PI4KA: variants seen among roughly 807,000 people sequenced by gnomAD.
PI4KA encodes PI4-kinase alpha.
PI4KA carries 122 observed loss-of-function variants against 271.4 expected under a neutral mutation model. That is an observed-to-expected ratio of 0.45 (90% CI 0.39 to 0.52). PI4KA has a LOEUF of 0.52. Ranked by LOEUF, PI4KA falls within the 20% of genes least tolerant of loss-of-function variation. PI4KA has a pLI of 0.00. For missense variants in PI4KA, 1,969 were observed against 2,769.1 expected (o/e 0.71, Z 6.48); for synonymous variants, 1,041 against 1,078.8 (o/e 0.96, Z 0.69).
At chr22:20,811,779 C>T (rs1921056454) in intron 8 of PI4KA, among the ~76,000 whole-genome samples, 1 of 151,816 alleles carries the variant, frequency 6.6e-6, no homozygotes, top group Non-Finnish European at 1.5e-5. Context: ...TTTAGGAGGC[C>T]GAGGCAGGCG....
At chr22:20,755,181 G>A (rs1400810013) in intron 23 of PI4KA, among the ~76,000 whole-genome samples, 1 of 152,174 alleles carries the variant, frequency 6.6e-6, no homozygotes, top group Non-Finnish European at 1.5e-5. Flanking sequence ...AATCATTACA[G>A]AACCGTGGAT....
Position 20,844,048 on chromosome 22 carries a change from TCAAA to T in PI4KA, c.157-5321_157-5318del, listed in dbSNP as rs1025983077. Reference sequence around the variant, plus strand: ...ATCCATCTCAACTGTCTCAAAACTCTCAAACATTTTCCAGACCCCAGCAACTTGA... The same window carrying T: ...ATCCATCTCAACTGTCTCAAAACTCTCATTTTCCAGACCCCAGCAACTTGA... On this transcript the variant is annotated intron_variant, in intron 1 of 54. Coordinates refer to ENST00000255882, the MANE Select transcript of PI4KA (RefSeq NM_058004.4). 3.3e-5 allele frequency among the ~76,000 whole-genome samples: 5 copies of T among 152,164 alleles called. No homozygotes were observed. The South Asian group carries it at 6.2e-4, about 19-fold the overall frequency.
intron 23 of PI4KA, among the ~76,000 whole-genome samples, chr22:20,754,005 T>C (rs1931001364): frequency 6.6e-6 from 1 of 151,548 alleles, no homozygotes; most frequent in African/African-American, 2.4e-5. Context: ...TCTTTCTGCA[T>C]CACGTAAGTG....
In PI4KA at chr22:20,714,710, G is replaced by T; in HGVS notation, c.5318-10C>A. 2.5e-6 allele frequency: 4 copies of T among 1,613,122 alleles called. No individual in the cohort carries two copies. The highest frequency in any genetic ancestry group is 3.4e-6 in the Non-Finnish European group (4 of 1,179,480). The stretch of plus-strand genomic sequence containing the variant: ...CTGGGCAGGTAGCAGCCTGTGCAGG[G>T]ACAGAGGCAGTCACAGGGAGTGCAT... On this transcript the variant is annotated splice_polypyrimidine_tract_variant and intron_variant, in intron 45 of 54. Transcript: ENST00000255882.
At chr22:20,747,910 T>A (rs1344336281) in intron 28 of PI4KA, among the ~76,000 whole-genome samples, 1 of 129,038 alleles carries the variant, frequency 7.7e-6, no homozygotes, top group Non-Finnish European at 1.7e-5. Context: ...AATTTTGCAA[T>A]TTTTTTTGTA....
At chr22:20,774,017 TG>T (rs1441044970) in intron 19 of PI4KA, 2 of 152,200 alleles carry the variant, frequency 1.3e-5, no homozygotes, top group African/African-American at 4.8e-5. Flanking sequence ...GGTTGCCTGG[TG>T]TTTGGATTGG....
At chr22:20,778,124 T>C (rs185308759) in intron 19 of PI4KA, among the ~76,000 whole-genome samples, 4 of 152,264 alleles carry the variant, frequency 2.6e-5, no homozygotes, top group South Asian at 4.1e-4. Flanking sequence ...GCAAGTGATA[T>C]CACCTCTGGG....
intron 19 of PI4KA, among the ~76,000 whole-genome samples, chr22:20,788,803 G>C (rs1452588306): frequency 6.6e-6 from 1 of 152,094 alleles, no homozygotes; most frequent in Non-Finnish European, 1.5e-5. Context: ...TCTCCAACCT[G>C]CTTCACCACT....
intron 19 of PI4KA, among the ~76,000 whole-genome samples, chr22:20,788,346 G>C (rs564356357): frequency 6.6e-6 from 1 of 152,334 alleles, no homozygotes; most frequent in East Asian, 1.9e-4. Context: ...ATACCAGTAA[G>C]AAGAGTGGTA....
At chr22:20,750,805 G>A (rs547475140) in intron 27 of PI4KA, among the ~76,000 whole-genome samples, 8 of 152,222 alleles carry the variant, frequency 5.3e-5, no homozygotes, top group Non-Finnish European at 8.8e-5. Context: ...CTCTGAGACC[G>A]AGTTGGGGAG....
Position 20,727,993 on chromosome 22 carries a change from C to G in PI4KA, c.4683-129G>C, listed in dbSNP as rs1161764117. 3 of 601,380 alleles carry G rather than the reference C, an allele frequency of 5.0e-6. No individual in the cohort carries two copies. The East Asian group carries it at 8.6e-5, about 17-fold the overall frequency. The allele number at this position is 601,380 out of a possible 1,614,324, so 37.3% of individuals were successfully genotyped here. A position where few individuals can be genotyped will look rare whatever the true frequency, so the allele number is the denominator to read the frequency against. ...GATTCACATCAATACCAAGTGACGG[C>G]TTGGGTACAAACAAATAGAAAGAAT... On this transcript the variant is annotated intron_variant, in intron 39 of 54. Transcript: ENST00000255882.
intron 3 of PI4KA, among the ~76,000 whole-genome samples, chr22:20,833,700 G>A (rs1209749645): frequency 2.7e-4 from 37 of 134,664 alleles, no homozygotes; most frequent in African/African-American, 9.2e-4. Flanking sequence ...TCGTGCTGTC[G>A]CCCAGGCTGG....
chr22:20,711,685 T>A (rs1925295402), intron 50 of PI4KA, among the ~76,000 whole-genome samples: 1 of 152,118 alleles, frequency 6.6e-6, no homozygotes. Context: ...AGAACTTAAC[T>A]TTCTTCTAAG....
At chr22:20,751,138 T>C (rs1208056986) in intron 27 of PI4KA, among the ~76,000 whole-genome samples, 155 bp downstream of exon 27, 1 of 151,828 alleles carries the variant, frequency 6.6e-6, no homozygotes, top group Non-Finnish European at 1.5e-5. Context: ...AGCCTGGCAA[T>C]GGCTTGGTCT....
chr22:20,759,380 A>ATTTTTC (rs1039243017), intron 23 of PI4KA, among the ~76,000 whole-genome samples: 1 of 113,914 alleles, frequency 8.8e-6, no homozygotes, highest in Non-Finnish European at 2.0e-5. Flanking sequence ...TGAAGCGTTG[A>ATTTTTC]TTTTTCTTTT....
chr22:20,799,205 G>C lies in PI4KA; in HGVS notation c.1892C>G (p.Pro631Arg), dbSNP rs770942452. ...CTGCAGAATGGGCTCCATGACCTTC[G>C]GGGTGTCCCTCAAGGCCACCGCAAT... ...GHIAVALRDT[P>R]KVMEPILQIL... Residue 631 changes from proline (P) to arginine (R), a missense_variant, in exon 16 of 55, where the codon CCG becomes CGG. By Grantham distance (103) the Pro-to-Arg change is moderately radical. Around this residue, in one of 13 missense-constraint regions of PI4KA, gnomAD observed 228 missense variants for 261.6 expected, o/e 0.87. Coordinates refer to ENST00000255882, the MANE Select transcript of PI4KA (RefSeq NM_058004.4). 6.3e-7 allele frequency: 1 copy of C among 1,591,250 alleles called. No homozygotes were observed. Among genetic ancestry groups the C allele is most frequent in the African/African-American group, 1.3e-5 (1 of 74,324 alleles).
chr22:20,811,036 C>T lies in PI4KA; in HGVS notation c.1006-4G>A. The T allele has an allele frequency of 1.2e-6, 2 of 1,611,164 alleles. No individual in the cohort carries two copies. Among genetic ancestry groups the T allele is most frequent in the Non-Finnish European group, 1.7e-6 (2 of 1,177,294 alleles). ...CCTCCTCAACGATCTTCTTCACCTACCAAGGAAACAGAACCTCATGAAGCA... is the reference window on the plus strand; with the variant it reads ...CCTCCTCAACGATCTTCTTCACCTATCAAGGAAACAGAACCTCATGAAGCA... On this transcript the variant is annotated splice_region_variant and splice_polypyrimidine_tract_variant and intron_variant, in intron 8 of 54. Coordinates refer to ENST00000255882, the MANE Select transcript of PI4KA (RefSeq NM_058004.4).
intron 7 of PI4KA, among the ~76,000 whole-genome samples, chr22:20,815,334 T>C (rs1292168781): frequency 2.1e-5 from 3 of 142,668 alleles, no homozygotes; most frequent in Non-Finnish European, 4.5e-5. Flanking sequence ...TGAGCCAAGA[T>C]TGCACCACTG....
chr22:20,846,504 G>A (rs1188939390), intron 1 of PI4KA, among the ~76,000 whole-genome samples: 1 of 151,964 alleles, frequency 6.6e-6, no homozygotes, highest in Non-Finnish European at 1.5e-5. Context: ...ACAGTGGGGG[G>A]AACAACGCAC....
Sources: allele counts gnomAD v4.1 joint callset (sites outside exome capture counted in the v4.1 genomes callset), GRCh38; gene constraint gnomAD v4.1.1; regional missense constraint gnomAD v4.1.1; transcripts MANE v1.5; gene names NCBI Gene and HGNC (gene_info 2026-07-23, HGNC 2026-07-21).